Variants in CHD4 observed in about 807,000 individuals in gnomAD.
The protein encoded by CHD4 is ATP-dependent chromatin remodeler CHD4.
CHD4 carries 35 observed loss-of-function variants against 235.5 expected under a neutral mutation model. The ratio of observed to expected loss-of-function variants is 0.15; its 90% CI spans 0.11 to 0.20. The LOEUF (loss-of-function observed/expected upper bound fraction) is 0.20, where lower values mean the gene tolerates loss of function less well. Among genes scored for constraint, CHD4 ranks in the 10% least tolerant of loss-of-function variants. The probability of loss-of-function intolerance (pLI) is 1.00; values close to 1 mark genes in which losing one functional copy is unlikely to be tolerated. For synonymous variants in CHD4, 900 were observed against 850.2 expected, an observed-to-expected ratio of 1.06 and a Z score of -1.02; for missense variants, 1,329 against 2,432.3, an observed-to-expected ratio of 0.55 and a Z score of 9.54.
At chr12:6,601,576 A>G (rs1592282785) in intron 5 of CHD4, 46 bp from the exon 6 acceptor site, 3 of 1,613,028 alleles carry the variant, frequency 1.9e-6, no homozygotes, top group Middle Eastern at 1.7e-4. Flanking sequence ...TTAAGAATAA[A>G]AAAAGAAAGA....
At position 6,588,271 on chromosome 12, in the gene CHD4, T is replaced by C. The variant is rs753312234; in HGVS notation, c.3465+27A>G. The C allele has an allele frequency of 9.3e-6, 15 of 1,611,184 alleles. No individual in the cohort carries two copies. In the East Asian group the frequency reaches 1.6e-4, roughly 17 times the overall value. On this transcript the variant is annotated intron_variant, in intron 23 of 39. Coordinates refer to ENST00000544040, the MANE Select transcript of CHD4 (RefSeq NM_001273.5). ...CCTTTCTAGCATAACATGTTACTTA[T>C]TAAGGCTGCCTGCTGCCTCTGCTCA...
chr12:6,605,344 G>A (rs950773321), intron 2 of CHD4, among the ~76,000 whole-genome samples: 2 of 152,200 alleles, frequency 1.3e-5, no homozygotes, highest in African/African-American at 4.8e-5. Context: ...GACACAGCTA[G>A]GGGCTCTGAA....
chr12:6,578,328 G>C, intron 35 of CHD4, 81 bp downstream of exon 35: 1 of 1,522,874 alleles, frequency 6.6e-7, no homozygotes, highest in South Asian at 1.2e-5. Flanking sequence ...AAGAGGTAAA[G>C]TCCCTGTACC....
chr12:6,601,170 A>G, intron 6 of CHD4, 117 bp from the exon 7 acceptor site: 1 of 1,529,142 alleles, frequency 6.5e-7, no homozygotes, highest in South Asian at 1.3e-5. Flanking sequence ...TCCAAAATCC[A>G]AGACTCATTC....
chr12:6,606,059 G>A (rs1248394997), intron 2 of CHD4, among the ~76,000 whole-genome samples: 2 of 152,206 alleles, frequency 1.3e-5, no homozygotes, highest in Non-Finnish European at 2.9e-5. Flanking sequence ...TCAAGACAGA[G>A]TGCAGCAAGC....
In CHD4 at chr12:6,578,762, T is replaced by G. The variant is rs776418316; in HGVS notation, c.4981+84A>C. 4.9e-6 allele frequency: 7 copies of G among 1,436,672 alleles called. No homozygotes were observed. In the East Asian group the frequency reaches 6.8e-5, roughly 14 times the overall value. The allele number at this position is 1,436,672 out of a possible 1,614,324, so 89.0% of individuals were successfully genotyped here. ...TTGGGATAAAATGGCTAGATGAGTA[T>G]GGACAGGGAGGCAGGGCAGATACAG... is the stretch of plus-strand genomic sequence containing the variant. On this transcript the variant is annotated intron_variant, in intron 34 of 39. Coordinates refer to ENST00000544040, the MANE Select transcript of CHD4 (RefSeq NM_001273.5).
chr12:6,591,885 C>A, intron 20 of CHD4, 31 bp downstream of exon 20: 1 of 1,614,018 alleles, frequency 6.2e-7, no homozygotes, highest in Middle Eastern at 1.7e-4. Flanking sequence ...AAGACCCAAC[C>A]CAGGGAGGAA....
Position 6,600,939 on chromosome 12 carries a change from C to T in CHD4, c.914G>A (p.Arg305His), listed in dbSNP as rs760698915. Residue 305 changes from arginine (R) to histidine (H), a missense_variant, in exon 7 of 40, where the codon CGT (arginine) becomes CAT (histidine). Arg to His is a conservative substitution (Grantham distance 29, BLOSUM62 0). Transcript: ENST00000544040. ...CTGGGCTCTCACCGAGGATCTCTTA[C>T]GCTTGGAACCAAAACCTCCCAGCTT... is the stretch of plus-strand genomic sequence containing the variant. Reference protein sequence around the residue: ...KIKLGGFGSKRKRSSSEDDDL... With the variant: ...KIKLGGFGSKHKRSSSEDDDL... 6 of 1,594,362 alleles carry T rather than the reference C, an allele frequency of 3.8e-6. No individual in the cohort carries two copies. Among genetic ancestry groups the T allele is most frequent in the Non-Finnish European group, 3.4e-6 (4 of 1,172,616 alleles).
At chr12:6,590,823 C>T (rs1002685863) in intron 22 of CHD4, among the ~76,000 whole-genome samples, 1 of 151,930 alleles carries the variant, frequency 6.6e-6, no homozygotes, top group Non-Finnish European at 1.5e-5. Context: ...GACCCTATCT[C>T]GAATAAACAA....
intron 2 of CHD4, among the ~76,000 whole-genome samples, chr12:6,604,896 A>C (rs1188115593): frequency 6.6e-6 from 1 of 151,742 alleles, no homozygotes; most frequent in Admixed American, 6.6e-5. Context: ...TGGAACCCAG[A>C]ATGTTTAGGC....
Position 6,594,573 on chromosome 12 carries a change from G to C in CHD4, c.2199C>G (p.Gly733=), listed in dbSNP as rs762986039. The part of the protein sequence containing the change: ...GGTLHPYQME[G]LNWLRFSWAQ... Reference sequence around the variant, plus strand: ...CCCAGGAGAAGCGCAACCAATTCAGGCCCTCCATTTGATAGGGGTGCAGGG... The same window carrying C: ...CCCAGGAGAAGCGCAACCAATTCAGCCCCTCCATTTGATAGGGGTGCAGGG... The change falls in exon 15 of 40, where the codon GGC becomes GGG. Residue 733 remains glycine, a synonymous_variant. Transcript: ENST00000544040. 6.2e-7 allele frequency: 1 copy of C among 1,614,120 alleles called. No homozygotes were observed. Among genetic ancestry groups the C allele is most frequent in the Admixed American group, 1.7e-5 (1 of 60,014 alleles).
intron 4 of CHD4, 96 bp from the exon 5 acceptor site, chr12:6,601,862 G>C: frequency 1.3e-6 from 2 of 1,563,730 alleles, no homozygotes; most frequent in South Asian, 1.1e-5. Context: ...AGAGTTAAGA[G>C]GAAAAGAAGA....
In CHD4 at chr12:6,570,654, G is replaced by A. The variant is rs1947949086; in HGVS notation, c.*22C>T. ...TGAGGAAGGTCACTGCTCAGCGGTG[G>A]AGGTGGTATCAGTCTGCATCTTCAC... On this transcript the variant is annotated 3_prime_UTR_variant, in exon 40 of 40. Coordinates refer to ENST00000544040, the MANE Select transcript of CHD4 (RefSeq NM_001273.5). 2 of 1,614,046 alleles carry A rather than the reference G, an allele frequency of 1.2e-6. No homozygotes were observed. The highest frequency in any genetic ancestry group is 1.7e-6 in the Non-Finnish European group (2 of 1,179,888).
chr12:6,582,106 T>C, intron 30 of CHD4, 31 bp downstream of exon 30: 1 of 1,522,986 alleles, frequency 6.6e-7, no homozygotes, highest in Non-Finnish European at 8.8e-7. Context: ...CCTGGCCCCC[T>C]AGAAACAATG....
At position 6,570,602 on chromosome 12, in the gene CHD4, CA is replaced by C; in HGVS notation, c.*73del. The C allele has an allele frequency of 1.3e-6, 2 of 1,591,526 alleles. No individual in the cohort carries two copies. The highest frequency in any genetic ancestry group is 2.2e-5 in the East Asian group (1 of 44,762). ...GGAAGGTGAGGGTCTCTCAGGCCCCCAGGGGAGAAGCTGGGACAAGAGAAAG... is the reference window on the plus strand; with the variant it reads ...GGAAGGTGAGGGTCTCTCAGGCCCCCGGGGAGAAGCTGGGACAAGAGAAAG... On this transcript the variant is annotated 3_prime_UTR_variant, in exon 40 of 40. Coordinates refer to ENST00000544040, the MANE Select transcript of CHD4 (RefSeq NM_001273.5).
At chr12:6,592,957 C>T in intron 17 of CHD4, 134 bp downstream of exon 17, 1 of 1,502,190 alleles carries the variant, frequency 6.7e-7, no homozygotes, top group Non-Finnish European at 9.0e-7. Flanking sequence ...CCACCAAGGG[C>T]TGTCACATAC....
Position 6,581,673 on chromosome 12 carries a change from T to C in CHD4, c.4657A>G (p.Thr1553Ala), listed in dbSNP as rs767371202. 9.3e-6 allele frequency: 15 copies of C among 1,611,078 alleles called. No individual in the cohort carries two copies. In the Admixed American group the frequency reaches 2.2e-4, roughly 23 times the overall value. ...CCAGCAGGTGGGACAGGTGCAGGAGTGTTGGGCTGCGTGTCCCCTGGAGTG... is the reference window on the plus strand; with the variant it reads ...CCAGCAGGTGGGACAGGTGCAGGAGCGTTGGGCTGCGTGTCCCCTGGAGTG... ...PSTPGDTQPNTPAPVPPAEDG... is the reference protein window; with the variant it reads ...PSTPGDTQPNAPAPVPPAEDG... Residue 1553 changes from threonine (T) to alanine (A), a missense_variant, in exon 31 of 40, where the codon ACT becomes GCT. By Grantham distance (58) the Thr-to-Ala change is moderately conservative. This residue lies in a region of CHD4 where 219 missense variants were observed against 219.3 expected (regional missense o/e 1.00). Coordinates refer to ENST00000544040, the MANE Select transcript of CHD4 (RefSeq NM_001273.5).
chr12:6,598,541 T>C, intron 10 of CHD4, 116 bp from the exon 11 acceptor site: 1 of 890,904 alleles, frequency 1.1e-6, no homozygotes, highest in Non-Finnish European at 1.7e-6. Flanking sequence ...CCTGGAGCAG[T>C]GGCTCATGCC....
rs1001323876 is a variant in CHD4, at chr12:6,576,637, C to T, written c.5361+1148G>A. Among the ~76,000 whole-genome samples the T allele has an allele frequency of 8.5e-5, 13 of 152,190 alleles. No homozygotes were observed. The East Asian group carries it at 2.5e-3, about 29-fold the overall frequency. On this transcript the variant is annotated intron_variant, in intron 37 of 39. Transcript: ENST00000544040. ...TTCTTGTCTTTTTTGAGGTGAGTCT[C>T]GCTCTGTCGCCAGACTGGAGTGCAG...
Sources: allele counts gnomAD v4.1 joint callset (sites outside exome capture counted in the v4.1 genomes callset), GRCh38; gene constraint gnomAD v4.1.1; regional missense constraint gnomAD v4.1.1; transcripts MANE v1.5; gene names NCBI Gene and HGNC (gene_info 2026-07-23, HGNC 2026-07-21).